Variants in HSD17B11 observed in about 807,000 individuals in gnomAD.
HSD17B11 encodes estradiol 17-beta-dehydrogenase 11.
Under a neutral mutation model 27.8 loss-of-function variants are expected in HSD17B11, and 22 were observed. The observed-to-expected ratio is 0.79, with a 90% CI of 0.56 to 1.13. The LOEUF (loss-of-function observed/expected upper bound fraction) is 1.13. HSD17B11 is among the 50% of genes most tolerant of loss of function. The pLI, the probability that HSD17B11 is intolerant of heterozygous loss-of-function variation, is 0.00. For missense variants in HSD17B11, 314 were observed against 351.1 expected, an observed-to-expected ratio of 0.89 and a Z score of 0.84; for synonymous variants, 117 against 132.8, an observed-to-expected ratio of 0.88 and a Z score of 0.82.
chr4:87,339,196 G>A (rs1735117818), intron 6 of HSD17B11, among the ~76,000 whole-genome samples: 1 of 152,130 alleles, frequency 6.6e-6, no homozygotes, highest in Admixed American at 6.6e-5. Flanking sequence ...GCATACTTAC[G>A]TAACATGACA....
At chr4:87,339,224 A>G (rs1356665935) in intron 6 of HSD17B11, among the ~76,000 whole-genome samples, 1 of 152,228 alleles carries the variant, frequency 6.6e-6, no homozygotes, top group African/African-American at 2.4e-5. Context: ...TGCCAGAAAC[A>G]TCACAGGCTT....
intron 4 of HSD17B11, among the ~76,000 whole-genome samples, chr4:87,369,863 C>G (rs1045109091): frequency 6.6e-6 from 1 of 152,178 alleles, no homozygotes; most frequent in African/African-American, 2.4e-5. Flanking sequence ...AATATATTAG[C>G]TAGCTAATTG....
chr4:87,378,670 A>G (rs1578045042), intron 2 of HSD17B11, among the ~76,000 whole-genome samples: 1 of 148,140 alleles, frequency 6.8e-6, no homozygotes, highest in East Asian at 2.0e-4. Context: ...TCTTCCCTAC[A>G]CCACCTCTAC....
At chr4:87,388,020 C>G (rs1221048415) in intron 1 of HSD17B11, among the ~76,000 whole-genome samples, 1 of 152,102 alleles carries the variant, frequency 6.6e-6, no homozygotes, top group Non-Finnish European at 1.5e-5. Context: ...CCTCAAAACC[C>G]TTCATTGACT....
chr4:87,372,390 AC>A (rs1468001861), intron 4 of HSD17B11, among the ~76,000 whole-genome samples: 4 of 152,086 alleles, frequency 2.6e-5, no homozygotes, highest in Admixed American at 2.6e-4. Flanking sequence ...AATAATTAAT[AC>A]TAATTATTGT....
Position 87,372,804 on chromosome 4 carries a change from T to C in HSD17B11, c.462A>G (p.Ala154=). ...TATTCTTCGTCATTGCAGGAAGAAATGCCTTTGTAGTCTACAAATAGTTTT... is the reference window on the plus strand; with the variant it reads ...TATTCTTCGTCATTGCAGGAAGAAACGCCTTTGTAGTCTACAAATAGTTTT... The part of the protein sequence containing the change: ...NVLAHFWTTK[A]FLPAMTKNNH... Residue 154 remains alanine, a synonymous_variant, in exon 4 of 7, where the codon GCA becomes GCG. Transcript: ENST00000358290. 2 of 1,607,136 alleles carry C rather than the reference T, an allele frequency of 1.2e-6. No individual in the cohort carries two copies. The highest frequency in any genetic ancestry group is 8.5e-7 in the Non-Finnish European group (1 of 1,174,588).
At chr4:87,385,451 A>C (rs1285276139) in intron 1 of HSD17B11, among the ~76,000 whole-genome samples, 1 of 152,066 alleles carries the variant, frequency 6.6e-6, no homozygotes, top group Non-Finnish European at 1.5e-5. Context: ...ATATTGTTTT[A>C]ATGGGTACAG....
At chr4:87,357,080 A>C (rs1419758159) in intron 5 of HSD17B11, among the ~76,000 whole-genome samples, 199 bp downstream of exon 5, 1 of 152,166 alleles carries the variant, frequency 6.6e-6, no homozygotes, top group Non-Finnish European at 1.5e-5. Flanking sequence ...ATTCATATTT[A>C]CTTTTTTAGT....
At chr4:87,362,976 T>C (rs1193218449) in intron 4 of HSD17B11, among the ~76,000 whole-genome samples, 1 of 152,134 alleles carries the variant, frequency 6.6e-6, no homozygotes, top group East Asian at 1.9e-4. Flanking sequence ...AGAGACCACA[T>C]GTTGAAATTC....
chr4:87,379,856 G>A, intron 2 of HSD17B11, among the ~76,000 whole-genome samples: 1 of 61,252 alleles, frequency 1.6e-5, no homozygotes, highest in Non-Finnish European at 3.1e-5. Context: ...ATATGTATAT[G>A]TATATGTATT....
rs539897619 is a variant in HSD17B11, at chr4:87,387,320, G to T, written c.210+3541C>A. On this transcript the variant is annotated intron_variant, in intron 1 of 6. Transcript: ENST00000358290. ...TAATTCTTCCCTAAATTAACATATG[G>T]TACATGTGGACACTGCTGTCCTCAT... 7.9e-5 allele frequency: 12 copies of T among 152,288 alleles called. 1 individual carries two copies. The South Asian group carries it at 2.5e-3, about 32-fold the overall frequency. 9.4% of individuals were successfully genotyped at this position (152,288 alleles called of 1,614,324 possible).
intron 4 of HSD17B11, among the ~76,000 whole-genome samples, chr4:87,358,151 C>T (rs60724689): frequency 0.052 from 7,856 of 151,840 alleles, 699 homozygotes; most frequent in African/African-American, 0.18. Flanking sequence ...TTAGTAGAGA[C>T]GGGTTTTCAC....
chr4:87,354,491 A>C lies in HSD17B11; in HGVS notation c.695+2788T>G, dbSNP rs1432570423. On this transcript the variant is annotated intron_variant, in intron 5 of 6. Coordinates refer to ENST00000358290, the MANE Select transcript of HSD17B11 (RefSeq NM_016245.5). ...ACCCTGTCTCTACAAAAAATTTAGA[A>C]ATTAGCCAGGTGTGGGGACACATGC... Among the ~76,000 whole-genome samples, 19 of 151,750 alleles carry C rather than the reference A, an allele frequency of 1.3e-4. No homozygotes were observed. The East Asian group carries it at 3.7e-3, about 29-fold the overall frequency.
intron 2 of HSD17B11, among the ~76,000 whole-genome samples, chr4:87,378,942 ATATATTTATATATATATATTTT>A (rs1720045368): frequency 5.2e-5 from 1 of 19,246 alleles, no homozygotes; most frequent in African/African-American, 3.2e-4. Context: ...ATATATATAT[ATATATTTATATATATATATTTT>A]TTTTTTTTTT....
chr4:87,342,072 A>ATG (rs965464820), intron 5 of HSD17B11, among the ~76,000 whole-genome samples: 4 of 152,074 alleles, frequency 2.6e-5, no homozygotes, highest in African/African-American at 9.7e-5. Context: ...CTTATTTTTA[A>ATG]TGTGTGTGTC....
chr4:87,389,857 T>A (rs994428637), intron 1 of HSD17B11, among the ~76,000 whole-genome samples: 1 of 152,218 alleles, frequency 6.6e-6, no homozygotes, highest in South Asian at 2.1e-4. Flanking sequence ...ACACTTGTCC[T>A]AGGTAAAAAA....
Position 87,391,107 on chromosome 4 carries a change from T to C in HSD17B11, c.-37A>G. On this transcript the variant is annotated 5_prime_UTR_variant, in exon 1 of 7. Coordinates refer to ENST00000358290, the MANE Select transcript of HSD17B11 (RefSeq NM_016245.5). ...CTGCGAGCGTTTGGTGTGTTTTTTT[T>C]TTTTTTTACCACTCTAAACTGCTTT... is the stretch of plus-strand genomic sequence containing the variant. 6.6e-7 allele frequency: 1 copy of C among 1,521,600 alleles called. No individual in the cohort carries two copies. Among genetic ancestry groups the C allele is most frequent in the Non-Finnish European group, 8.9e-7 (1 of 1,119,504 alleles). The allele number at this position is 1,521,600 out of a possible 1,614,324, so 94.3% of individuals were successfully genotyped here. A position where few individuals can be genotyped will look rare whatever the true frequency, so the allele number is the denominator to read the frequency against.
chr4:87,391,045 A>G lies in HSD17B11; in HGVS notation c.26T>C (p.Leu9Pro), dbSNP rs1186813855. 1 of 1,613,726 alleles carries G rather than the reference A, an allele frequency of 6.2e-7. No homozygotes were observed. Among genetic ancestry groups the G allele is most frequent in the East Asian group, 2.2e-5 (1 of 44,866 alleles). Residue 9 changes from leucine to proline, a missense_variant, in exon 1 of 7, where the codon CTG (leucine) becomes CCG (proline). Coordinates refer to ENST00000358290, the MANE Select transcript of HSD17B11 (RefSeq NM_016245.5). MKFLLDIL[L>P]LLPLLIVCSL... The stretch of plus-strand genomic sequence containing the variant: ...GCAGACGATCAGTAACGGGAGAAGC[A>G]GGAGGATGTCCAGAAGAAATTTCAT...
intron 4 of HSD17B11, among the ~76,000 whole-genome samples, chr4:87,369,399 A>G (rs187646323): frequency 6.6e-6 from 1 of 151,834 alleles, no homozygotes; most frequent in Admixed American, 6.6e-5. Flanking sequence ...GGCTGAAAAA[A>G]ATAGTCTGAA....
Sources: gnomAD v4.1 joint callset for allele counts (sites outside exome capture counted in the v4.1 genomes callset) on GRCh38, gnomAD v4.1.1 for gene constraint, MANE v1.5 for transcripts, NCBI Gene and HGNC (gene_info 2026-07-23, HGNC 2026-07-21) for gene names.